NR6A1: variants seen among roughly 807,000 people sequenced by gnomAD.
NR6A1 encodes the protein nuclear receptor subfamily 6 group A member 1.
NR6A1 carries 7 observed loss-of-function variants against 59.1 expected under a neutral mutation model. The observed-to-expected ratio is 0.12, with a 90% CI of 0.07 to 0.22. The LOEUF (loss-of-function observed/expected upper bound fraction) is 0.22, where lower values mean the gene tolerates loss of function less well. Ranked by LOEUF, NR6A1 falls within the 10% of genes least tolerant of loss-of-function variation. NR6A1 has a pLI of 1.00. For missense variants in NR6A1, 468 were observed against 611.6 expected, an observed-to-expected ratio of 0.77 and a Z score of 2.48; for synonymous variants, 243 against 236.1, an observed-to-expected ratio of 1.03 and a Z score of -0.27.
At chr9:124,554,682 A>G (rs974485433) in intron 2 of NR6A1, 112 bp from the exon 3 acceptor site, 1 of 1,347,228 alleles carries the variant, frequency 7.4e-7, no homozygotes, top group Admixed American at 2.0e-5. Context: ...TCCAGGCTAA[A>G]GGGCAAACAG....
In NR6A1 at chr9:124,637,922, G is replaced by A. The variant is rs116770582; in HGVS notation, c.143-83352C>T. On this transcript the variant is annotated intron_variant, in intron 2 of 9. Coordinates refer to ENST00000487099, the MANE Select transcript of NR6A1 (RefSeq NM_033334.4). ...AAAAAAAAAAAAAAAAGAAAAAAAG[G>A]GAACTCCAAACTAATTGGGTGGTAT... is the stretch of plus-strand genomic sequence containing the variant. Among the ~76,000 whole-genome samples, 1,319 of 149,956 alleles carry A rather than the reference G, an allele frequency of 8.8e-3. 19 individuals are homozygous for A. The highest frequency in any genetic ancestry group is 0.031 in the African/African-American group (1,265 of 40,626).
intron 1 of NR6A1, among the ~76,000 whole-genome samples, chr9:124,759,587 A>G (rs991993962): frequency 3.3e-5 from 5 of 152,208 alleles, no homozygotes; most frequent in Admixed American, 3.3e-4. Context: ...CATTCATTCA[A>G]TATTCATGGA....
intron 2 of NR6A1, among the ~76,000 whole-genome samples, chr9:124,693,458 C>T (rs910591069): frequency 4.5e-4 from 68 of 152,344 alleles, no homozygotes; most frequent in African/African-American, 1.6e-3. Context: ...TATGCAAGCA[C>T]TGCCTGTGTG....
intron 1 of NR6A1, among the ~76,000 whole-genome samples, chr9:124,745,131 T>C (rs900737746): frequency 3.9e-5 from 6 of 152,146 alleles, no homozygotes; most frequent in African/African-American, 1.4e-4. Context: ...ACTTATTCAA[T>C]GGAATATTTT....
intron 1 of NR6A1, among the ~76,000 whole-genome samples, chr9:124,752,721 C>A (rs913839713): frequency 1.3e-5 from 2 of 151,722 alleles, no homozygotes; most frequent in African/African-American, 4.8e-5. Flanking sequence ...TATTTTACAC[C>A]CAACTTCTGA....
At chr9:124,680,340 A>C (rs933731283) in intron 2 of NR6A1, among the ~76,000 whole-genome samples, 2 of 152,196 alleles carry the variant, frequency 1.3e-5, no homozygotes, top group Non-Finnish European at 2.9e-5. Flanking sequence ...CACAACCAGA[A>C]TAAAACCCAC....
chr9:124,662,863 C>T (rs933227842), intron 2 of NR6A1, among the ~76,000 whole-genome samples: 3 of 152,030 alleles, frequency 2.0e-5, no homozygotes, highest in Admixed American at 6.5e-5. Flanking sequence ...TTAGATAAGA[C>T]GACAAAGGTC....
chr9:124,762,229 A>G (rs114341482), intron 1 of NR6A1, among the ~76,000 whole-genome samples: 1,813 of 152,314 alleles, frequency 0.012, 34 homozygotes, highest in African/African-American at 0.041. Context: ...TTGTCTATTG[A>G]TATTTATCAT....
chr9:124,529,890 C>A (rs1250574891), intron 7 of NR6A1, among the ~76,000 whole-genome samples: 1 of 151,790 alleles, frequency 6.6e-6, no homozygotes, highest in Non-Finnish European at 1.5e-5. Flanking sequence ...CTGCCAATTT[C>A]TTTCAGTATC....
chr9:124,634,144 A>G (rs1024557458), intron 2 of NR6A1, among the ~76,000 whole-genome samples: 4 of 152,236 alleles, frequency 2.6e-5, no homozygotes, highest in Admixed American at 2.6e-4. Context: ...CAATATTTTT[A>G]TAAGATAACA....
intron 2 of NR6A1, among the ~76,000 whole-genome samples, chr9:124,646,128 A>C (rs150694429): frequency 1.3e-5 from 2 of 152,318 alleles, no homozygotes; most frequent in African/African-American, 4.8e-5. Context: ...CTTGGAGGAA[A>C]GTTACAGCAC....
intron 2 of NR6A1, among the ~76,000 whole-genome samples, chr9:124,653,571 A>G (rs1837163421): frequency 6.6e-6 from 1 of 152,124 alleles, no homozygotes; most frequent in Admixed American, 6.6e-5. Flanking sequence ...TCATCAAGCC[A>G]GGCAAATTTA....
intron 1 of NR6A1, among the ~76,000 whole-genome samples, chr9:124,766,408 T>C (rs1006920774): frequency 1.3e-5 from 2 of 152,262 alleles, no homozygotes; most frequent in Non-Finnish European, 2.9e-5. Flanking sequence ...GCAGATTAGA[T>C]AGCTACCTTC....
At chr9:124,718,475 C>G (rs1189644947) in intron 2 of NR6A1, among the ~76,000 whole-genome samples, 5 of 152,172 alleles carry the variant, frequency 3.3e-5, no homozygotes, top group Non-Finnish European at 2.9e-5. Flanking sequence ...TTCAAGATAA[C>G]AGAATTCTGA....
At chr9:124,610,862 T>C (rs568652459) in intron 2 of NR6A1, among the ~76,000 whole-genome samples, 1 of 152,312 alleles carries the variant, frequency 6.6e-6, no homozygotes, top group East Asian at 1.9e-4. Flanking sequence ...TATCCATTTC[T>C]AGATTTTCTA....
chr9:124,686,763 G>C (rs1345818334), intron 2 of NR6A1, among the ~76,000 whole-genome samples: 1 of 151,416 alleles, frequency 6.6e-6, no homozygotes, highest in Non-Finnish European at 1.5e-5. Context: ...GAGTGCAGTG[G>C]CACAAACACG....
At chr9:124,621,279 T>C (rs1836063648) in intron 2 of NR6A1, among the ~76,000 whole-genome samples, 1 of 152,174 alleles carries the variant, frequency 6.6e-6, no homozygotes, top group Non-Finnish European at 1.5e-5. Flanking sequence ...ATTATGGATA[T>C]GCATAGATTC....
chr9:124,760,853 C>A (rs893875216), intron 1 of NR6A1, among the ~76,000 whole-genome samples: 1 of 152,258 alleles, frequency 6.6e-6, no homozygotes, highest in Admixed American at 6.5e-5. Flanking sequence ...AGAGTCCCTG[C>A]TCTTTGCCTC....
At chr9:124,529,211 G>A (rs752078606) in intron 7 of NR6A1, among the ~76,000 whole-genome samples, 44 of 152,244 alleles carry the variant, frequency 2.9e-4, no homozygotes, top group Non-Finnish European at 6.2e-4. Flanking sequence ...CTATAATACC[G>A]TTTCTACCAC....
Sources: gnomAD v4.1 joint callset for allele counts (sites outside exome capture counted in the v4.1 genomes callset) on GRCh38, gnomAD v4.1.1 for gene constraint, MANE v1.5 for transcripts, NCBI Gene and HGNC (gene_info 2026-07-23, HGNC 2026-07-21) for gene names.